The following SPECC1 variants were observed in gnomAD, a reference collection of about 807,000 sequenced individuals.
The protein encoded by SPECC1 is sperm antigen with calponin homology and coiled-coil domains 1, also known as cytospin-B.
In SPECC1, 62 loss-of-function variants were observed where a neutral mutation model predicts 104.1. That is an observed-to-expected ratio of 0.60 (90% CI 0.49 to 0.74). The LOEUF is 0.74. SPECC1 is among the 30% of genes least tolerant of loss of function. The pLI is 0.00. For synonymous variants in SPECC1, 513 were observed against 501.6 expected (o/e 1.02, Z -0.30); for missense variants, 1,306 against 1,310.5 (o/e 1.00, Z 0.05).
At chr17:20,298,851 G>A (rs945295869) in intron 13 of SPECC1, among the ~76,000 whole-genome samples, 4 of 151,158 alleles carry the variant, frequency 2.6e-5, no homozygotes, top group East Asian at 2.0e-4. Context: ...AAGGATCATA[G>A]CAATGACAAA....
intron 4 of SPECC1, among the ~76,000 whole-genome samples, chr17:20,207,250 C>T (rs2036848799): frequency 6.6e-6 from 1 of 152,226 alleles, no homozygotes; most frequent in Admixed American, 6.5e-5. Flanking sequence ...GAGTCTGTTG[C>T]AGCCTGATTC....
chr17:20,085,454 C>T (rs1241518984), intron 1 of SPECC1, among the ~76,000 whole-genome samples: 1 of 152,200 alleles, frequency 6.6e-6, no homozygotes, highest in African/African-American at 2.4e-5. Context: ...TAGACTTACT[C>T]CTGTGCAAGG....
intron 3 of SPECC1, among the ~76,000 whole-genome samples, chr17:20,187,468 G>T (rs1597916971): frequency 6.6e-6 from 1 of 152,164 alleles, no homozygotes; most frequent in East Asian, 1.9e-4. Context: ...ATGGTGTGCA[G>T]ATGTGAGCCC....
Position 20,298,948 on chromosome 17 carries a change from A to AGAGTGTGTGT in SPECC1, c.3057+1872_3057+1873insAGTGTGTGTG. Among the ~76,000 whole-genome samples, 330 of 49,056 alleles carry AGAGTGTGTGT rather than the reference A, an allele frequency of 6.7e-3. 7 individuals are homozygous for AGAGTGTGTGT. Among genetic ancestry groups the AGAGTGTGTGT allele is most frequent in the African/African-American group, 0.028 (297 of 10,778 alleles). The allele number at this position is 49,056 out of a possible 152,430, so 32.2% of individuals were successfully genotyped here. A position where few individuals can be genotyped will look rare whatever the true frequency, so the allele number is the denominator to read the frequency against. On this transcript the variant is annotated intron_variant, in intron 13 of 14. Coordinates refer to ENST00000395527, the MANE Select transcript of SPECC1 (RefSeq NM_001243439.2). ...GAGAGAGAGAGAGAGAGAGAGAGAGAGTGTGTGTGTGTGTGTGTGTGTGTA... is the reference window on the plus strand; with the variant it reads ...GAGAGAGAGAGAGAGAGAGAGAGAGAGAGTGTGTGTGTGTGTGTGTGTGTGTGTGTGTGTA...
intron 1 of SPECC1, among the ~76,000 whole-genome samples, chr17:20,013,133 A>G (rs1208264985): frequency 6.6e-6 from 1 of 152,242 alleles, no homozygotes; most frequent in Non-Finnish European, 1.5e-5. Flanking sequence ...GTTCCACATC[A>G]TAGCTATTAT....
chr17:20,202,455 C>T (rs1182225388), intron 3 of SPECC1, among the ~76,000 whole-genome samples: 5 of 151,848 alleles, frequency 3.3e-5, no homozygotes, highest in Non-Finnish European at 5.9e-5. Flanking sequence ...CAATAAAACC[C>T]CTGACAGCAT....
chr17:20,068,198 T>C (rs1009329054), intron 1 of SPECC1, among the ~76,000 whole-genome samples: 5 of 152,212 alleles, frequency 3.3e-5, no homozygotes, highest in Non-Finnish European at 7.3e-5. Flanking sequence ...TGGGCTCAAG[T>C]GACCTGCCTG....
chr17:20,123,532 G>A (rs148515664), intron 3 of SPECC1, among the ~76,000 whole-genome samples: 45 of 152,248 alleles, frequency 3.0e-4, no homozygotes, highest in African/African-American at 9.9e-4. Flanking sequence ...ACATGAGGAG[G>A]GAATAACTCT....
At chr17:20,168,162 A>T (rs2033811728) in intron 3 of SPECC1, among the ~76,000 whole-genome samples, 2 of 152,226 alleles carry the variant, frequency 1.3e-5, no homozygotes, top group Admixed American at 6.5e-5. Flanking sequence ...CTTTTCAAAG[A>T]TGGTATGAAC....
At chr17:20,176,479 T>C (rs1159507821) in intron 3 of SPECC1, among the ~76,000 whole-genome samples, 1 of 152,166 alleles carries the variant, frequency 6.6e-6, no homozygotes, top group Non-Finnish European at 1.5e-5. Context: ...AGGGAGTGTA[T>C]TGGTTCCTGT....
intron 12 of SPECC1, among the ~76,000 whole-genome samples, chr17:20,263,218 C>T (rs116833962): frequency 0.011 from 1,664 of 149,646 alleles, 24 homozygotes; most frequent in African/African-American, 0.038. Context: ...CCATAAGAAC[C>T]AATAGCTATG....
At chr17:20,237,099 T>C (rs1869515763) in intron 7 of SPECC1, 1 of 1,407,134 alleles carries the variant, frequency 7.1e-7, no homozygotes, top group Non-Finnish European at 9.2e-7. Flanking sequence ...TCAAAGATGA[T>C]GTTTCCCTCT....
chr17:20,244,299 A>T (rs73303602), intron 7 of SPECC1, among the ~76,000 whole-genome samples: 77 of 152,296 alleles, frequency 5.1e-4, no homozygotes, highest in African/African-American at 1.8e-3. Context: ...AGACCGAGGA[A>T]ATTATTTTCT....
At chr17:20,207,430 C>A (rs1157480655) in intron 4 of SPECC1, among the ~76,000 whole-genome samples, 1 of 152,096 alleles carries the variant, frequency 6.6e-6, no homozygotes, top group Non-Finnish European at 1.5e-5. Context: ...TAAGATTATT[C>A]TTTTTTTACT....
intron 14 of SPECC1, among the ~76,000 whole-genome samples, chr17:20,310,352 C>T (rs1469776216): frequency 6.6e-6 from 1 of 152,110 alleles, no homozygotes; most frequent in East Asian, 1.9e-4. Flanking sequence ...ACATTTCCAC[C>T]AAGAGTGTAT....
chr17:20,060,739 C>T (rs554165890), intron 1 of SPECC1, among the ~76,000 whole-genome samples: 1 of 152,270 alleles, frequency 6.6e-6, no homozygotes, highest in South Asian at 2.1e-4. Context: ...TGTATTTATG[C>T]CACTCACCAT....
chr17:20,293,967 C>A (rs752436382), intron 12 of SPECC1, among the ~76,000 whole-genome samples: 2 of 152,060 alleles, frequency 1.3e-5, no homozygotes, highest in Non-Finnish European at 2.9e-5. Context: ...TCTCGATGGG[C>A]AGGGACTTAG....
intron 5 of SPECC1, 152 bp from the exon 6 acceptor site, chr17:20,231,606 T>C: frequency 1.5e-6 from 1 of 680,500 alleles, no homozygotes; most frequent in Non-Finnish European, 2.6e-6. Context: ...ACAGGGTAAA[T>C]TGAAATTGCT....
At chr17:20,239,179 G>A in intron 7 of SPECC1, 2 of 1,024,056 alleles carry the variant, frequency 2.0e-6, no homozygotes, top group Non-Finnish European at 2.3e-6. Context: ...GTCTAGATGT[G>A]TTTTGTTGAC....
Sources: gnomAD v4.1 joint callset for allele counts (sites outside exome capture counted in the v4.1 genomes callset) on GRCh38, gnomAD v4.1.1 for gene constraint, MANE v1.5 for transcripts, NCBI Gene and HGNC (gene_info 2026-07-23, HGNC 2026-07-21) for gene names.